WSCD2: variants seen among roughly 807,000 people sequenced by gnomAD.
The protein encoded by WSCD2 is sialate:O-sulfotransferase 2.
WSCD2 carries 28 observed loss-of-function variants against 55.7 expected under a neutral mutation model. That is an observed-to-expected ratio of 0.50 (90% CI 0.37 to 0.69). The LOEUF is 0.69. Ranked by LOEUF, WSCD2 falls within the 30% of genes least tolerant of loss-of-function variation. The probability of loss-of-function intolerance (pLI) is 0.00; values close to 1 mark genes in which losing one functional copy is unlikely to be tolerated. For missense variants in WSCD2, 616 were observed against 762.1 expected, an observed-to-expected ratio of 0.81 and a Z score of 2.26; for synonymous variants, 301 against 301.9, an observed-to-expected ratio of 1.00 and a Z score of 0.03.
At chr12:108,180,643 G>T (rs1366637504) in intron 1 of WSCD2, among the ~76,000 whole-genome samples, 2 of 152,230 alleles carry the variant, frequency 1.3e-5, no homozygotes, top group Admixed American at 1.3e-4. Flanking sequence ...CAGTCCACTT[G>T]CTCTAGGCCA....
At chr12:108,224,181 A>T (rs1337588458) in intron 4 of WSCD2, among the ~76,000 whole-genome samples, 1 of 152,202 alleles carries the variant, frequency 6.6e-6, no homozygotes, top group African/African-American at 2.4e-5. Flanking sequence ...CTGACATGTC[A>T]GTCCCTTGCA....
intron 1 of WSCD2, among the ~76,000 whole-genome samples, chr12:108,150,641 AGAGGCAGGC>A (rs1877885189): frequency 6.6e-6 from 1 of 152,122 alleles, no homozygotes; most frequent in Non-Finnish European, 1.5e-5. Flanking sequence ...GACACAGGAG[AGAGGCAGGC>A]AGGACCCCGA....
intron 1 of WSCD2, among the ~76,000 whole-genome samples, chr12:108,157,347 A>G (rs1325405760): frequency 6.6e-6 from 1 of 152,166 alleles, no homozygotes; most frequent in Non-Finnish European, 1.5e-5. Context: ...CCTGAAGTTC[A>G]TGGCATACAT....
At chr12:108,232,606 C>T (rs1383396164) in intron 6 of WSCD2, 125 bp from the exon 7 acceptor site, 1 of 919,446 alleles carries the variant, frequency 1.1e-6, no homozygotes, top group Non-Finnish European at 1.6e-6. Flanking sequence ...ATGACCCACG[C>T]AAGTGTCCTG....
chr12:108,139,282 C>T (rs892572114), intron 1 of WSCD2, among the ~76,000 whole-genome samples: 3 of 152,204 alleles, frequency 2.0e-5, no homozygotes, highest in Non-Finnish European at 4.4e-5. Context: ...TACTTTCAAA[C>T]AAGAGAGAAT....
intron 4 of WSCD2, among the ~76,000 whole-genome samples, chr12:108,215,500 C>T (rs971692460): frequency 6.6e-6 from 1 of 152,180 alleles, no homozygotes; most frequent in African/African-American, 2.4e-5. Flanking sequence ...CTCCGAGAAG[C>T]ACCCAATTCA....
chr12:108,241,496 A>G (rs1258022561), intron 8 of WSCD2, among the ~76,000 whole-genome samples: 2 of 152,162 alleles, frequency 1.3e-5, no homozygotes, highest in East Asian at 3.9e-4. Context: ...TAATCGCCCC[A>G]TTTGATAGAT....
chr12:108,227,727 GTGATGA>G (rs112313899), intron 6 of WSCD2, among the ~76,000 whole-genome samples: 2 of 150,360 alleles, frequency 1.3e-5, no homozygotes, highest in Non-Finnish European at 3.0e-5. Context: ...GATAATGATG[GTGATGA>G]TGATGATGAT....
intron 1 of WSCD2, among the ~76,000 whole-genome samples, chr12:108,143,684 C>A (rs771426030): frequency 2.0e-5 from 3 of 152,110 alleles, no homozygotes; most frequent in Non-Finnish European, 4.4e-5. Flanking sequence ...CAGACAGGGG[C>A]CCGTCAGTAT....
intron 1 of WSCD2, among the ~76,000 whole-genome samples, chr12:108,182,279 A>T (rs1180948761): frequency 6.6e-6 from 1 of 152,228 alleles, no homozygotes; most frequent in Non-Finnish European, 1.5e-5. Context: ...TTTAGAGATG[A>T]CTTGAAATAT....
In WSCD2 at chr12:108,209,991, C is replaced by T. The variant is rs56872603; in HGVS notation, c.498-130C>T. ...CCCAGTTGCCCCAACCTCCCATCAG[C>T]AGTCTCCCCATTTCCCCTGGGATCT... On this transcript the variant is annotated intron_variant, in intron 3 of 8. Coordinates refer to ENST00000547525, the MANE Select transcript of WSCD2 (RefSeq NM_014653.4). 8.8e-4 allele frequency: 1,125 copies of T among 1,272,802 alleles called. 8 individuals are homozygous for T. The African/African-American group carries it at 0.015, about 17-fold the overall frequency. 78.8% of individuals were successfully genotyped at this position (1,272,802 alleles called of 1,614,324 possible). A position where few individuals can be genotyped will look rare whatever the true frequency, so the allele number is the denominator to read the frequency against.
chr12:108,196,055 G>A lies in WSCD2; in HGVS notation c.223G>A (p.Gly75Ser). The change falls in exon 2 of 9, where the codon GGT becomes AGT. Residue 75 changes from glycine (G) to serine (S), a missense_variant. Around this residue, in one of 3 missense-constraint regions of WSCD2, gnomAD observed 374 missense variants for 467.4 expected, o/e 0.80. Transcript: ENST00000547525. ...CTTGGGTGACATGCATCTGGGCAGA[G>A]GTTTCCGGGACACAGGTGAAGCCTC... is the stretch of plus-strand genomic sequence containing the variant. ...SFLGDMHLGR[G>S]FRDTGEASSI... 6.2e-7 allele frequency: 1 copy of A among 1,614,208 alleles called. No homozygotes were observed. Among genetic ancestry groups the A allele is most frequent in the Non-Finnish European group, 8.5e-7 (1 of 1,180,036 alleles).
intron 7 of WSCD2, among the ~76,000 whole-genome samples, chr12:108,238,530 G>A (rs921362776): frequency 4.6e-5 from 7 of 152,176 alleles, no homozygotes; most frequent in Non-Finnish European, 8.8e-5. Flanking sequence ...GATACGGGGC[G>A]ACTTCTCAGT....
At chr12:108,232,407 G>C (rs190173442) in intron 6 of WSCD2, among the ~76,000 whole-genome samples, 8 of 152,238 alleles carry the variant, frequency 5.3e-5, no homozygotes, top group African/African-American at 1.2e-4. Flanking sequence ...TGCTCTGCTG[G>C]GGGGAAACTG....
chr12:108,159,617 A>G (rs990447374), intron 1 of WSCD2, among the ~76,000 whole-genome samples: 15 of 152,220 alleles, frequency 9.9e-5, no homozygotes, highest in Admixed American at 9.2e-4. Context: ...TCTTGCTGAA[A>G]CAAATGAGCT....
chr12:108,145,872 G>A (rs1258306541), intron 1 of WSCD2, among the ~76,000 whole-genome samples: 1 of 152,126 alleles, frequency 6.6e-6, no homozygotes. Context: ...AGCTACAAAA[G>A]GGCACATACT....
intron 1 of WSCD2, among the ~76,000 whole-genome samples, chr12:108,155,375 G>T (rs1382951675): frequency 1.3e-5 from 2 of 152,156 alleles, no homozygotes; most frequent in Non-Finnish European, 2.9e-5. Context: ...AGGGCTCTCA[G>T]CAGGGAGACA....
At chr12:108,215,776 G>T (rs1449477975) in intron 4 of WSCD2, among the ~76,000 whole-genome samples, 1 of 152,164 alleles carries the variant, frequency 6.6e-6, no homozygotes, top group African/African-American at 2.4e-5. Flanking sequence ...CTAAGCTGAT[G>T]CCTGGTGACA....
intron 1 of WSCD2, among the ~76,000 whole-genome samples, chr12:108,185,912 A>G (rs1882425400): frequency 6.6e-6 from 1 of 152,214 alleles, no homozygotes; most frequent in Admixed American, 6.5e-5. Flanking sequence ...AGGGATTTAG[A>G]AGTCCCTTCA....
Sources: gnomAD v4.1 joint callset for allele counts (sites outside exome capture counted in the v4.1 genomes callset) on GRCh38, gnomAD v4.1.1 for gene constraint, gnomAD v4.1.1 regional missense constraint, MANE v1.5 for transcripts, NCBI Gene and HGNC (gene_info 2026-07-23, HGNC 2026-07-21) for gene names.